CCNY: variants seen among roughly 807,000 people sequenced by gnomAD.
CCNY encodes cyclin-Y.
CCNY carries 19 observed loss-of-function variants against 42.8 expected under a neutral mutation model. The ratio of observed to expected loss-of-function variants is 0.44; its 90% CI spans 0.31 to 0.65. The LOEUF is 0.65. CCNY is among the 30% of genes least tolerant of loss of function. CCNY has a pLI of 0.07. For synonymous variants in CCNY, 165 were observed against 162.7 expected (o/e 1.01, Z -0.11); for missense variants, 370 against 437.3 (o/e 0.85, Z 1.37).
chr10:35,411,577 A>G (rs1837906599), intron 1 of CCNY, among the ~76,000 whole-genome samples: 4 of 151,778 alleles, frequency 2.6e-5, no homozygotes, highest in Admixed American at 2.6e-4. Flanking sequence ...AGTTAGTTAC[A>G]GGAGGCTCTA....
At chr10:35,465,965 G>GTC (rs1207071046) in intron 1 of CCNY, among the ~76,000 whole-genome samples, 9 of 151,534 alleles carry the variant, frequency 5.9e-5, no homozygotes, top group South Asian at 4.2e-4. Flanking sequence ...GTGTGTCTGT[G>GTC]TGTGTGTGTG....
intron 7 of CCNY, among the ~76,000 whole-genome samples, chr10:35,538,333 A>C (rs977022968): frequency 6.6e-6 from 1 of 152,224 alleles, no homozygotes; most frequent in Non-Finnish European, 1.5e-5. Context: ...GTATATATCT[A>C]GAAGTGGAAT....
At chr10:35,463,730 C>A (rs1839201907) in intron 1 of CCNY, among the ~76,000 whole-genome samples, 1 of 152,112 alleles carries the variant, frequency 6.6e-6, no homozygotes, top group Non-Finnish European at 1.5e-5. Context: ...AAGGAAGAGG[C>A]AAAGAAATCA....
At chr10:35,410,085 A>C (rs1254410759) in intron 1 of CCNY, among the ~76,000 whole-genome samples, 3 of 152,192 alleles carry the variant, frequency 2.0e-5, no homozygotes, top group Non-Finnish European at 4.4e-5. Flanking sequence ...CAGAAAAGCA[A>C]AGGAAGGAAA....
At chr10:35,469,836 G>A (rs1477654667) in intron 1 of CCNY, among the ~76,000 whole-genome samples, 1 of 149,134 alleles carries the variant, frequency 6.7e-6, no homozygotes, top group African/African-American at 2.5e-5. Context: ...GGAGAGACAG[G>A]GCGATGGAGA....
At chr10:35,450,860 C>T (rs1334132928) in intron 1 of CCNY, among the ~76,000 whole-genome samples, 1 of 152,140 alleles carries the variant, frequency 6.6e-6, no homozygotes, top group Non-Finnish European at 1.5e-5. Context: ...GGCTGGGAGC[C>T]TTCCTGTCAC....
chr10:35,284,315 T>A (rs1203975809), intron 3 of CCNY, among the ~76,000 whole-genome samples: 2 of 152,132 alleles, frequency 1.3e-5, no homozygotes, highest in Non-Finnish European at 2.9e-5. Context: ...TGTAAAACCA[T>A]CACCATAATC....
At chr10:35,411,367 G>A (rs888875501) in intron 1 of CCNY, among the ~76,000 whole-genome samples, 1 of 151,954 alleles carries the variant, frequency 6.6e-6, no homozygotes, top group Admixed American at 6.6e-5. Flanking sequence ...ACAAAAATTA[G>A]CCAGGCATAG....
intron 1 of CCNY, among the ~76,000 whole-genome samples, chr10:35,436,582 G>T (rs372434392): frequency 6.6e-6 from 1 of 152,160 alleles, no homozygotes. Flanking sequence ...GCAGAGCTTC[G>T]TGGAAGGACA....
At chr10:35,292,775 G>GT (rs1835428320) in intron 3 of CCNY, among the ~76,000 whole-genome samples, 29 of 116,354 alleles carry the variant, frequency 2.5e-4, no homozygotes, top group Non-Finnish European at 4.4e-4. Context: ...AGAGTGCTTT[G>GT]TTTTTGTTTT....
At chr10:35,402,525 C>T (rs1236686304) in intron 1 of CCNY, among the ~76,000 whole-genome samples, 1 of 152,096 alleles carries the variant, frequency 6.6e-6, no homozygotes, top group African/African-American at 2.4e-5. Context: ...ATAGAGAGTC[C>T]TCTTTTTTTA....
intron 2 of CCNY, among the ~76,000 whole-genome samples, chr10:35,492,270 G>C (rs1032350490): frequency 2.0e-5 from 3 of 152,218 alleles, no homozygotes; most frequent in Admixed American, 2.0e-4. Context: ...CTCCAGGCCT[G>C]AGAGGCCATC....
intron 3 of CCNY, among the ~76,000 whole-genome samples, chr10:35,272,264 G>A (rs895313090): frequency 6.6e-6 from 1 of 151,998 alleles, no homozygotes; most frequent in South Asian, 2.1e-4. Flanking sequence ...TGGGATTACA[G>A]GCGTGAGCCA....
At chr10:35,549,321 G>A (rs1403329784) in intron 7 of CCNY, among the ~76,000 whole-genome samples, 1 of 152,158 alleles carries the variant, frequency 6.6e-6, no homozygotes. Context: ...AGAGTAGCTG[G>A]TCAAGCCACG....
chr10:35,327,951 G>A (rs1455159909), intron 3 of CCNY, among the ~76,000 whole-genome samples: 2 of 152,188 alleles, frequency 1.3e-5, no homozygotes, highest in African/African-American at 4.8e-5. Flanking sequence ...AAGGAACGAG[G>A]CTTACAGAGA....
rs572330193 is a variant in CCNY, at chr10:35,331,390, G to A, written c.-9+80764G>A. ...GTAGAGTTCGACAAGACAGAGCCTG[G>A]GCTTCCTAAGGCCATTTAGTCTGGG... On this transcript the variant is annotated intron_variant, in intron 3 of 11. Transcript: ENST00000374706. Among the ~76,000 whole-genome samples the A allele has an allele frequency of 3.9e-5, 6 of 152,308 alleles. No individual in the cohort carries two copies. In the South Asian group the frequency reaches 1.2e-3, roughly 32 times the overall value.
At chr10:35,457,552 A>G (rs896978770) in intron 1 of CCNY, among the ~76,000 whole-genome samples, 2 of 151,940 alleles carry the variant, frequency 1.3e-5, no homozygotes, top group African/African-American at 2.4e-5. Flanking sequence ...GATCCTGCAC[A>G]GTTACTCTAC....
intron 1 of CCNY, among the ~76,000 whole-genome samples, chr10:35,406,270 C>T (rs1837765140): frequency 8.4e-6 from 1 of 118,344 alleles, no homozygotes; most frequent in South Asian, 2.6e-4. Context: ...TTGGGTGTTT[C>T]TTGTAGAGGG....
chr10:35,358,860 T>TA (rs1202513449), intron 1 of CCNY, among the ~76,000 whole-genome samples: 1 of 152,152 alleles, frequency 6.6e-6, no homozygotes, highest in Non-Finnish European at 1.5e-5. Flanking sequence ...TCTGGACCCT[T>TA]ATTTGAGGCC....
Sources: gnomAD v4.1 joint callset for allele counts (sites outside exome capture counted in the v4.1 genomes callset) on GRCh38, gnomAD v4.1.1 for gene constraint, MANE v1.5 for transcripts, NCBI Gene and HGNC (gene_info 2026-07-23, HGNC 2026-07-21) for gene names.